The following PDE3A variants were observed in gnomAD, a reference collection of about 807,000 sequenced individuals.
The protein encoded by PDE3A is cGMP-inhibited 3',5'-cyclic phosphodiesterase 3A.
A neutral mutation model predicts 98.3 loss-of-function variants in PDE3A; 43 were observed. The observed-to-expected ratio is 0.44, with a 90% CI of 0.34 to 0.56. The LOEUF (loss-of-function observed/expected upper bound fraction) is 0.56, where lower values mean the gene tolerates loss of function less well. PDE3A is among the 20% of genes least tolerant of loss of function. The pLI, the probability that PDE3A is intolerant of heterozygous loss-of-function variation, is 0.01. For synonymous variants in PDE3A, 663 were observed against 567.9 expected, an observed-to-expected ratio of 1.17 and a Z score of -2.38; for missense variants, 1,427 against 1,440.7, an observed-to-expected ratio of 0.99 and a Z score of 0.15.
intron 5 of PDE3A, among the ~76,000 whole-genome samples, chr12:20,623,749 ATTCTAGAAAGAATATATG>A: frequency 6.6e-6 from 1 of 150,770 alleles, no homozygotes. Flanking sequence ...TGATGGATAT[ATTCTAGAAAGAATATATG>A]ATGGATGTAT....
At chr12:20,498,577 C>T (rs1945966409) in intron 1 of PDE3A, among the ~76,000 whole-genome samples, 1 of 151,292 alleles carries the variant, frequency 6.6e-6, no homozygotes, top group Non-Finnish European at 1.5e-5. Flanking sequence ...ATATCAGGGA[C>T]TTGAGCATCC....
chr12:20,416,390 TATAACC>T (rs1944421771), intron 1 of PDE3A, among the ~76,000 whole-genome samples: 1 of 152,214 alleles, frequency 6.6e-6, no homozygotes, highest in African/African-American at 2.4e-5. Flanking sequence ...CATGAATGGA[TATAACC>T]CACCTTTGTA....
Position 20,414,489 on chromosome 12 carries a change from T to G in PDE3A, c.960+44245T>G, listed in dbSNP as rs73235885. Among the ~76,000 whole-genome samples, 516 of 152,354 alleles carry G rather than the reference T, an allele frequency of 3.4e-3. 2 individuals carry two copies. The highest frequency in any genetic ancestry group is 0.012 in the African/African-American group (488 of 41,598). On this transcript the variant is annotated intron_variant, in intron 1 of 15. Coordinates refer to ENST00000359062, the MANE Select transcript of PDE3A (RefSeq NM_000921.5). Reference sequence around the variant, plus strand: ...AAGTCTATGTTTCTTGTGTAGGTTTTGAAAAATACAATTCAGCTTCCTATT... The same window carrying G: ...AAGTCTATGTTTCTTGTGTAGGTTTGGAAAAATACAATTCAGCTTCCTATT...
intron 2 of PDE3A, among the ~76,000 whole-genome samples, chr12:20,568,195 C>T (rs12829557): frequency 2.0e-5 from 3 of 151,566 alleles, no homozygotes; most frequent in Admixed American, 2.0e-4. Context: ...GTTATTTCTT[C>T]TTGACAAATT....
At chr12:20,555,076 C>T (rs1942332851) in intron 1 of PDE3A, among the ~76,000 whole-genome samples, 1 of 151,980 alleles carries the variant, frequency 6.6e-6, no homozygotes, top group African/African-American at 2.4e-5. Context: ...GGCTGGAGTG[C>T]AGTGGCGTGC....
At chr12:20,562,519 C>CT (rs11309986) in intron 2 of PDE3A, among the ~76,000 whole-genome samples, 10 of 149,162 alleles carry the variant, frequency 6.7e-5, no homozygotes, top group Middle Eastern at 3.5e-3. Flanking sequence ...TGCCCAGCTG[C>CT]TTTTTTTTTT....
intron 5 of PDE3A, among the ~76,000 whole-genome samples, chr12:20,622,564 G>A (rs1247987220): frequency 1.3e-5 from 2 of 152,062 alleles, no homozygotes; most frequent in East Asian, 1.9e-4. Context: ...TCACTTAGAA[G>A]TCATTATTGA....
chr12:20,510,671 G>T (rs1423770631), intron 1 of PDE3A, among the ~76,000 whole-genome samples: 2 of 152,042 alleles, frequency 1.3e-5, no homozygotes, highest in Non-Finnish European at 2.9e-5. Context: ...CTGTCAACAT[G>T]GGGTAGAGAT....
intron 5 of PDE3A, among the ~76,000 whole-genome samples, chr12:20,629,165 G>T (rs1944325671): frequency 6.6e-6 from 1 of 152,070 alleles, no homozygotes; most frequent in African/African-American, 2.4e-5. Context: ...CATCGTCCTG[G>T]TCTTCCAACA....
intron 4 of PDE3A, 56 bp downstream of exon 4, chr12:20,616,440 T>C (rs937639725): frequency 2.1e-5 from 33 of 1,537,260 alleles, no homozygotes; most frequent in Admixed American, 7.3e-5. Context: ...TTGCCAAAAA[T>C]GAGTTATAAA....
At chr12:20,586,140 A>G (rs1258495851) in intron 2 of PDE3A, among the ~76,000 whole-genome samples, 1 of 152,194 alleles carries the variant, frequency 6.6e-6, no homozygotes, top group Non-Finnish European at 1.5e-5. Flanking sequence ...TAAAGGGAAC[A>G]TGTTCCAAAA....
rs148317067 is a variant in PDE3A, at chr12:20,507,503, C to T, written c.961-49157C>T. ...AGACTGATAACTCCTAAGTTCATAT[C>T]GACAGCTTCCCCTCTTCTGAATTCC... On this transcript the variant is annotated intron_variant, in intron 1 of 15. Coordinates refer to ENST00000359062, the MANE Select transcript of PDE3A (RefSeq NM_000921.5). 8.5e-5 allele frequency among the ~76,000 whole-genome samples: 13 copies of T among 152,130 alleles called. No individual in the cohort carries two copies. The East Asian group carries it at 2.1e-3, about 25-fold the overall frequency.
intron 2 of PDE3A, among the ~76,000 whole-genome samples, chr12:20,562,459 C>A (rs1057021777): frequency 2.6e-5 from 4 of 151,812 alleles, no homozygotes; most frequent in African/African-American, 9.7e-5. Context: ...ACCTCGTGAT[C>A]CGCCTGCCTC....
At chr12:20,416,648 C>A (rs982266746) in intron 1 of PDE3A, among the ~76,000 whole-genome samples, 20 of 152,188 alleles carry the variant, frequency 1.3e-4, no homozygotes, top group Non-Finnish European at 2.8e-4. Flanking sequence ...TCAGTTGCAT[C>A]TTTAGGCTTT....
intron 1 of PDE3A, among the ~76,000 whole-genome samples, chr12:20,428,825 T>C (rs749444015): frequency 2.6e-5 from 4 of 152,178 alleles, no homozygotes; most frequent in Admixed American, 6.5e-5. Context: ...ACCACTATGA[T>C]TGATAGTTGT....
chr12:20,466,208 C>A (rs1469120365), intron 1 of PDE3A, among the ~76,000 whole-genome samples: 1 of 152,172 alleles, frequency 6.6e-6, no homozygotes, highest in East Asian at 1.9e-4. Context: ...CAGCCAGACT[C>A]TTGGAAGACA....
chr12:20,422,108 A>T (rs1393463237), intron 1 of PDE3A, among the ~76,000 whole-genome samples: 3 of 152,158 alleles, frequency 2.0e-5, no homozygotes, highest in African/African-American at 7.2e-5. Flanking sequence ...GCACTTTGGG[A>T]GGCCGAGGTG....
chr12:20,584,019 T>A (rs1943134546), intron 2 of PDE3A, among the ~76,000 whole-genome samples: 1 of 152,172 alleles, frequency 6.6e-6, no homozygotes, highest in Admixed American at 6.5e-5. Context: ...ACCACAACCT[T>A]CAAGTTCTAG....
Position 20,368,949 on chromosome 12 carries a change from T to G in PDE3A, c.-336T>G, listed in dbSNP as rs998862879. On this transcript the variant is annotated 5_prime_UTR_variant, in exon 1 of 16. Transcript: ENST00000359062. ...AAGTAGGAAGAGACCCCGGAGGATA[T>G]AAGTCGGGGGTGGGGGTGGAGCAGA... 6.6e-6 allele frequency among the ~76,000 whole-genome samples: 1 copy of G among 151,848 alleles called. No homozygotes were observed. The highest frequency in any genetic ancestry group is 6.6e-5 in the Admixed American group (1 of 15,252).
Sources: allele counts gnomAD v4.1 joint callset (sites outside exome capture counted in the v4.1 genomes callset), GRCh38; gene constraint gnomAD v4.1.1; transcripts MANE v1.5; gene names NCBI Gene and HGNC (gene_info 2026-07-23, HGNC 2026-07-21).